The following RGS8 variants were observed in gnomAD, a reference collection of about 807,000 sequenced individuals.
RGS8 encodes the protein regulator of G-protein signaling 8.
In RGS8, 8 loss-of-function variants were observed where a neutral mutation model predicts 21.7. The observed-to-expected ratio is 0.37, with a 90% CI of 0.22 to 0.66. The LOEUF is 0.66. Ranked by LOEUF, RGS8 falls within the 30% of genes least tolerant of loss-of-function variation. RGS8 has a pLI of 0.59. For missense variants in RGS8, 157 were observed against 217.9 expected, an observed-to-expected ratio of 0.72 and a Z score of 1.76; for synonymous variants, 80 against 83.6, an observed-to-expected ratio of 0.96 and a Z score of 0.24.
chr1:182,700,932 T>C, the RGS8 span, among the ~76,000 whole-genome samples: 1 of 152,232 alleles, frequency 6.6e-6, no homozygotes, highest in African/African-American at 2.4e-5. Flanking sequence ...GTGCAAGTTT[T>C]CCAAATCCCA....
the RGS8 span, among the ~76,000 whole-genome samples, chr1:182,709,761 CACTT>C: frequency 2.0e-5 from 3 of 152,182 alleles, no homozygotes; most frequent in African/African-American, 7.2e-5. Flanking sequence ...CCCCCACTGT[CACTT>C]ACTTGTTTTA....
the RGS8 span, among the ~76,000 whole-genome samples, chr1:182,730,560 A>C: frequency 6.6e-6 from 1 of 151,990 alleles, no homozygotes; most frequent in African/African-American, 2.4e-5. Context: ...AAATACAAAA[A>C]ATGGCCGGGC....
At chr1:182,694,012 C>G in the RGS8 span, among the ~76,000 whole-genome samples, 1 of 152,092 alleles carries the variant, frequency 6.6e-6, no homozygotes. Flanking sequence ...ATCCAGTACC[C>G]TACTGGGTAC....
At chr1:182,709,552 T>G in the RGS8 span, among the ~76,000 whole-genome samples, 1 of 152,202 alleles carries the variant, frequency 6.6e-6, no homozygotes, top group Non-Finnish European at 1.5e-5. Flanking sequence ...GAAATGTAAG[T>G]GACCCCATAA....
exon 4 of RGS8, chr1:182,666,906 C>A (rs760938111): frequency 1.5e-5 from 25 of 1,614,194 alleles, no homozygotes; most frequent in Non-Finnish European, 2.1e-5. Context: ...GGAAGAATAG[C>A]TGTGAAATCA....
chr1:182,742,765 C>G, the RGS8 span, among the ~76,000 whole-genome samples: 3 of 151,828 alleles, frequency 2.0e-5, no homozygotes, highest in Non-Finnish European at 4.4e-5. Flanking sequence ...GGGACAGGGA[C>G]AGGGACAGGG....
the RGS8 span, among the ~76,000 whole-genome samples, chr1:182,737,197 CTCTCTTA>C: frequency 6.6e-6 from 1 of 151,868 alleles, no homozygotes; most frequent in Non-Finnish European, 1.5e-5. Flanking sequence ...CCCTCTGCCT[CTCTCTTA>C]TAAGAACACT....
the RGS8 span, among the ~76,000 whole-genome samples, chr1:182,740,556 T>G: frequency 1.9e-3 from 263 of 140,202 alleles, 3 homozygotes; most frequent in East Asian, 0.03. Context: ...TTGTTTTTTT[T>G]TTTTTTTTTT....
At chr1:182,700,896 T>C in the RGS8 span, among the ~76,000 whole-genome samples, 5 of 152,370 alleles carry the variant, frequency 3.3e-5, no homozygotes, top group East Asian at 7.7e-4. Context: ...ATTCATCATG[T>C]GTAACATAGC....
upstream of RGS8, among the ~76,000 whole-genome samples, chr1:182,687,306 A>G (rs1223459012): frequency 1.3e-5 from 2 of 152,220 alleles, no homozygotes; most frequent in Non-Finnish European, 2.9e-5. Context: ...GCCTCTGAAG[A>G]AGGTGGGACC....
downstream of RGS8, chr1:182,643,351 C>T (rs1571297994): frequency 7.3e-6 from 1 of 137,668 alleles, no homozygotes; most frequent in Admixed American, 7.3e-5. Context: ...TGTGTTCCTC[C>T]TCACTCCTTA....
At chr1:182,683,663 A>C (rs907986628) in intron 1 of RGS8, among the ~76,000 whole-genome samples, 1 of 151,158 alleles carries the variant, frequency 6.6e-6, no homozygotes, top group South Asian at 2.1e-4. Flanking sequence ...CACTGACTAG[A>C]CAGTGCTGAG....
intron 5 of RGS8, among the ~76,000 whole-genome samples, chr1:182,657,601 C>G (rs1206732767): frequency 6.6e-6 from 1 of 152,062 alleles, no homozygotes; most frequent in African/African-American, 2.4e-5. Context: ...ACTCTCTGAC[C>G]CCTGAAGCTG....
At chr1:182,666,827 A>T (rs1401762696) in intron 4 of RGS8, 45 bp downstream of exon 5, 2 of 1,412,462 alleles carry the variant, frequency 1.4e-6, no homozygotes, top group Admixed American at 3.3e-5. Context: ...GAGCTATATG[A>T]CTTGCTGTAT....
chr1:182,732,019 G>A, the RGS8 span, among the ~76,000 whole-genome samples: 1 of 152,186 alleles, frequency 6.6e-6, no homozygotes, highest in Non-Finnish European at 1.5e-5. Context: ...GCCAGGAAGT[G>A]TTGGGACTAG....
intron 2 of RGS8, among the ~76,000 whole-genome samples, chr1:182,670,423 G>C (rs1352854564): frequency 6.6e-6 from 1 of 152,236 alleles, no homozygotes; most frequent in Non-Finnish European, 1.5e-5. Context: ...ATGAGTGTGG[G>C]AAGACAGGGG....
the RGS8 span, among the ~76,000 whole-genome samples, chr1:182,732,228 CTT>C: frequency 7.7e-3 from 1,159 of 151,220 alleles, 14 homozygotes; most frequent in African/African-American, 0.027. Flanking sequence ...CGCTCTCTCT[CTT>C]TCTCTCTCTC....
intron 1 of RGS8, among the ~76,000 whole-genome samples, chr1:182,683,513 G>T (rs1341671737): frequency 6.6e-6 from 1 of 151,270 alleles, no homozygotes; most frequent in Non-Finnish European, 1.5e-5. Flanking sequence ...GCACCCCAAG[G>T]TCAGGACCTA....
the RGS8 span, chr1:182,714,204 C>A: frequency 4.6e-5 from 7 of 152,312 alleles, no homozygotes; most frequent in South Asian, 2.1e-4. Context: ...AATGACATCA[C>A]CCCAGTTACT....
Sources: gnomAD v4.1 joint callset for allele counts (sites outside exome capture counted in the v4.1 genomes callset) on GRCh38, gnomAD v4.1.1 for gene constraint, MANE v1.5 for transcripts, NCBI Gene and HGNC (gene_info 2026-07-23, HGNC 2026-07-21) for gene names.